Variants in PTPRG observed in about 807,000 individuals in gnomAD.
The protein encoded by PTPRG is protein tyrosine phosphatase receptor type G, also known as receptor-type tyrosine-protein phosphatase gamma.
A neutral mutation model predicts 165.3 loss-of-function variants in PTPRG; 102 were observed. That is an observed-to-expected ratio of 0.62 (90% CI 0.53 to 0.73). The LOEUF is 0.73. Ranked by LOEUF, PTPRG falls within the 30% of genes least tolerant of loss-of-function variation. PTPRG has a pLI of 0.00. For synonymous variants in PTPRG, 675 were observed against 669.5 expected (o/e 1.01, Z -0.13); for missense variants, 1,866 against 1,861.4 (o/e 1.00, Z -0.05).
intron 2 of PTPRG, among the ~76,000 whole-genome samples, chr3:61,809,490 G>A (rs1256041974): frequency 2.0e-5 from 3 of 152,056 alleles, no homozygotes; most frequent in Non-Finnish European, 2.9e-5. Context: ...CTGACACACA[G>A]AAGATACCCA....
rs778459209 is a variant in PTPRG, at chr3:62,030,399, A to G, written c.519+26902A>G. Among the ~76,000 whole-genome samples the G allele has an allele frequency of 1.3e-3, 200 of 152,216 alleles. 5 individuals are homozygous for G. The highest frequency in any genetic ancestry group is 2.1e-4 in the Non-Finnish European group (14 of 68,022). On this transcript the variant is annotated intron_variant, in intron 4 of 29. Transcript: ENST00000474889. Reference sequence around the variant, plus strand: ...TAAGGAACTTTTAGAGGTAGGGAGGAAGAAAAATATGTACATAAGACTAAT... The same window carrying G: ...TAAGGAACTTTTAGAGGTAGGGAGGGAGAAAAATATGTACATAAGACTAAT...
At chr3:61,853,527 C>T (rs1363938859) in intron 2 of PTPRG, among the ~76,000 whole-genome samples, 3 of 152,194 alleles carry the variant, frequency 2.0e-5, no homozygotes, top group African/African-American at 7.2e-5. Flanking sequence ...AATGGATCCT[C>T]CAGTCCATGT....
At chr3:61,719,515 T>TC (rs1366963314) in intron 1 of PTPRG, among the ~76,000 whole-genome samples, 1 of 152,110 alleles carries the variant, frequency 6.6e-6, no homozygotes, top group African/African-American at 2.4e-5. Flanking sequence ...GATACAGCCT[T>TC]CGGTGGTGTC....
intron 2 of PTPRG, among the ~76,000 whole-genome samples, chr3:61,760,362 G>A (rs2033793943): frequency 6.6e-6 from 1 of 152,040 alleles, no homozygotes; most frequent in Non-Finnish European, 1.5e-5. Flanking sequence ...AATCCCTTTT[G>A]TTCCCCCTTT....
At chr3:61,860,654 G>C (rs1484535108) in intron 2 of PTPRG, among the ~76,000 whole-genome samples, 3 of 152,006 alleles carry the variant, frequency 2.0e-5, no homozygotes, top group Non-Finnish European at 4.4e-5. Context: ...AGGTTGGCCA[G>C]ACTGGTCTCG....
Position 62,269,147 on chromosome 3 carries a change from T to C in PTPRG, c.2987T>C (p.Ile996Thr). The change falls in exon 20 of 30, where the codon ATC becomes ACC. Residue 996 changes from isoleucine to threonine, a missense_variant. Physicochemically the swap from Ile to Thr is moderately conservative, Grantham distance 89. This residue lies in a region of PTPRG where 1,452 missense variants were observed against 1,463.0 expected (regional missense o/e 0.99). Transcript: ENST00000474889. ...TGCTACACTGTTCGTCGTTTTTCAA[T>C]CAGAAATACAAAAGTGAAAAAGGTA... ...HACYTVRRFS[I>T]RNTKVKKGQK... 1 of 1,586,988 alleles carries C rather than the reference T, an allele frequency of 6.3e-7. No individual in the cohort carries two copies. Among genetic ancestry groups the C allele is most frequent in the Non-Finnish European group, 8.6e-7 (1 of 1,160,834 alleles).
intron 2 of PTPRG, among the ~76,000 whole-genome samples, chr3:61,905,526 CAGTT>C (rs2038622487): frequency 6.6e-6 from 1 of 152,308 alleles, no homozygotes; most frequent in South Asian, 2.1e-4. Flanking sequence ...GGTCTTTTAA[CAGTT>C]AGCATACTTG....
At chr3:62,096,283 T>C (rs1695774525) in intron 5 of PTPRG, among the ~76,000 whole-genome samples, 1 of 152,202 alleles carries the variant, frequency 6.6e-6, no homozygotes, top group African/African-American at 2.4e-5. Context: ...AAAATAACGC[T>C]TCTGGAGGGT....
chr3:62,263,064 C>A, intron 17 of PTPRG, 170 bp downstream of exon 17: 1 of 550,094 alleles, frequency 1.8e-6, no homozygotes, highest in Non-Finnish European at 3.2e-6. Context: ...ACATTTTCTT[C>A]CCCCTTAGCC....
At chr3:62,046,591 A>G (rs535683794) in intron 4 of PTPRG, among the ~76,000 whole-genome samples, 1 of 152,234 alleles carries the variant, frequency 6.6e-6, no homozygotes, top group South Asian at 2.1e-4. Flanking sequence ...TGCTGCCTTC[A>G]TTTTATTTCA....
chr3:62,154,007 AT>A (rs1704442290), intron 6 of PTPRG, among the ~76,000 whole-genome samples: 1 of 152,172 alleles, frequency 6.6e-6, no homozygotes, highest in African/African-American at 2.4e-5. Context: ...TATTCTTCAC[AT>A]GTTTTTGACC....
intron 13 of PTPRG, among the ~76,000 whole-genome samples, chr3:62,223,965 G>C (rs1446847875): frequency 6.6e-6 from 1 of 152,046 alleles, no homozygotes; most frequent in African/African-American, 2.4e-5. Flanking sequence ...ATTTATCCTA[G>C]AAATAGATAA....
chr3:61,907,164 G>C (rs1256017267), intron 2 of PTPRG, among the ~76,000 whole-genome samples: 7 of 151,190 alleles, frequency 4.6e-5, no homozygotes, highest in Admixed American at 2.6e-4. Flanking sequence ...TATATAAATG[G>C]TGTCATAGTA....
intron 1 of PTPRG, among the ~76,000 whole-genome samples, chr3:61,661,451 A>G (rs1702666859): frequency 6.6e-6 from 1 of 151,802 alleles, no homozygotes; most frequent in Non-Finnish European, 1.5e-5. Flanking sequence ...TATCTTATTT[A>G]TCTGGCTTCC....
chr3:62,140,682 A>C (rs1334959315), intron 6 of PTPRG, among the ~76,000 whole-genome samples: 1 of 152,014 alleles, frequency 6.6e-6, no homozygotes, highest in African/African-American at 2.4e-5. Flanking sequence ...CCCCTTCTCT[A>C]CTAAAAATAC....
intron 2 of PTPRG, among the ~76,000 whole-genome samples, chr3:61,948,710 T>A (rs1254561633): frequency 6.6e-6 from 1 of 152,116 alleles, no homozygotes; most frequent in Non-Finnish European, 1.5e-5. Flanking sequence ...TGACTTTGGG[T>A]ACCTGGAGTA....
chr3:61,566,611 G>T (rs1331208286), intron 1 of PTPRG, among the ~76,000 whole-genome samples: 1 of 152,152 alleles, frequency 6.6e-6, no homozygotes, highest in East Asian at 1.9e-4. Flanking sequence ...AGGTTCAAGC[G>T]ATTCTCCTGC....
intron 2 of PTPRG, among the ~76,000 whole-genome samples, chr3:61,829,458 G>T (rs769525958): frequency 6.6e-5 from 10 of 152,224 alleles, no homozygotes; most frequent in African/African-American, 2.2e-4. Context: ...CACTTAGCCC[G>T]ATCACTGCCT....
At chr3:61,681,741 A>G (rs1274228661) in intron 1 of PTPRG, among the ~76,000 whole-genome samples, 2 of 152,030 alleles carry the variant, frequency 1.3e-5, no homozygotes, top group African/African-American at 4.8e-5. Flanking sequence ...AGCCATTATG[A>G]TTTTTCTTGC....
Sources: gnomAD v4.1 joint callset for allele counts (sites outside exome capture counted in the v4.1 genomes callset) on GRCh38, gnomAD v4.1.1 for gene constraint, gnomAD v4.1.1 regional missense constraint, MANE v1.5 for transcripts, NCBI Gene and HGNC (gene_info 2026-07-23, HGNC 2026-07-21) for gene names.